Variants in CAMK2D observed in about 807,000 individuals in gnomAD.
CAMK2D encodes the protein calcium/calmodulin-dependent protein kinase type II subunit delta.
A neutral mutation model predicts 84.0 loss-of-function variants in CAMK2D; 37 were observed. The observed-to-expected ratio is 0.44, with a 90% CI of 0.34 to 0.58. CAMK2D has a LOEUF of 0.58. Among genes scored for constraint, CAMK2D ranks in the 20% least tolerant of loss-of-function variants. CAMK2D has a pLI of 0.02. For synonymous variants in CAMK2D, 202 were observed against 212.5 expected (o/e 0.95, Z 0.43); for missense variants, 448 against 652.5 (o/e 0.69, Z 3.41).
chr4:113,520,199 T>C (rs112999019), intron 8 of CAMK2D, among the ~76,000 whole-genome samples: 3,716 of 151,796 alleles, frequency 0.024, 128 homozygotes, highest in African/African-American at 0.085. Context: ...TGAGGTCAGG[T>C]GATCACGACC....
At chr4:113,539,503 TG>T (rs1186555433) in intron 6 of CAMK2D, among the ~76,000 whole-genome samples, 1 of 152,252 alleles carries the variant, frequency 6.6e-6, no homozygotes, top group Non-Finnish European at 1.5e-5. Context: ...AAAAAGCTGT[TG>T]GGCAGGGCTT....
intron 16 of CAMK2D, among the ~76,000 whole-genome samples, chr4:113,481,517 C>T (rs13140609): frequency 0.34 from 51,722 of 151,954 alleles, 9,116 homozygotes; most frequent in Middle Eastern, 0.39. Flanking sequence ...TCTCACTCTG[C>T]TGCCCAGGCT....
intron 2 of CAMK2D, among the ~76,000 whole-genome samples, chr4:113,717,261 T>C (rs2099516400): frequency 6.6e-6 from 1 of 152,060 alleles, no homozygotes; most frequent in Non-Finnish European, 1.5e-5. Context: ...ATTTATAAAA[T>C]CAATTAGAAA....
Position 113,730,698 on chromosome 4 carries a change from G to A in CAMK2D, c.160+28622C>T, listed in dbSNP as rs151206523. ...ATGGAACTTATGATTCCTTCACCTG[G>A]CTATAGAAAAGAATGAAACTGTTAA... On this transcript the variant is annotated intron_variant, in intron 2 of 20. Coordinates refer to ENST00000511664, the MANE Select transcript of CAMK2D (RefSeq NM_001321571.2). 7.2e-4 allele frequency among the ~76,000 whole-genome samples: 110 copies of A among 152,206 alleles called. 1 individual carries two copies. The highest frequency in any genetic ancestry group is 2.6e-3 in the African/African-American group (107 of 41,532).
intron 10 of CAMK2D, 152 bp downstream of exon 10, chr4:113,514,917 A>T: frequency 1.4e-6 from 1 of 703,356 alleles, no homozygotes; most frequent in Non-Finnish European, 2.4e-6. Flanking sequence ...TCACCATCAT[A>T]AAATTAATTT....
chr4:113,637,534 AT>A (rs2154291686), intron 3 of CAMK2D, among the ~76,000 whole-genome samples: 1 of 152,254 alleles, frequency 6.6e-6, no homozygotes, highest in Admixed American at 6.5e-5. Flanking sequence ...TTTCATTTGT[AT>A]TTGGTTTCAG....
intron 4 of CAMK2D, among the ~76,000 whole-genome samples, chr4:113,586,459 G>T (rs767793335): frequency 2.0e-4 from 30 of 152,108 alleles, no homozygotes; most frequent in Non-Finnish European, 4.0e-4. Flanking sequence ...AGCTATTTTG[G>T]ATTGCTGCCC....
chr4:113,730,672 C>A (rs2148768342), intron 2 of CAMK2D, among the ~76,000 whole-genome samples: 1 of 152,316 alleles, frequency 6.6e-6, no homozygotes, highest in Non-Finnish European at 1.5e-5. Flanking sequence ...TTACCCAATT[C>A]ATGGAACTTA....
At chr4:113,609,852 C>T (rs1415388362) in intron 3 of CAMK2D, among the ~76,000 whole-genome samples, 2 of 152,112 alleles carry the variant, frequency 1.3e-5, no homozygotes, top group African/African-American at 2.4e-5. Context: ...TGAACTTTTG[C>T]TAAAATAATT....
At chr4:113,656,309 C>T (rs1342157899) in intron 3 of CAMK2D, among the ~76,000 whole-genome samples, 1 of 152,028 alleles carries the variant, frequency 6.6e-6, no homozygotes, top group African/African-American at 2.4e-5. Flanking sequence ...ATTTGTTGAG[C>T]CAAAAGATGC....
At position 113,613,884 on chromosome 4, in the gene CAMK2D, G is replaced by A. The variant is rs371227577; in HGVS notation, c.221-4678C>T. ...AAAAGGTGTGTATGTGTGTGTGTGC[G>A]AGAGAGAGCGAGCGAGAGAGAGAGA... is the stretch of plus-strand genomic sequence containing the variant. On this transcript the variant is annotated intron_variant, in intron 3 of 20. Coordinates refer to ENST00000511664, the MANE Select transcript of CAMK2D (RefSeq NM_001321571.2). 2.0e-4 allele frequency among the ~76,000 whole-genome samples: 31 copies of A among 152,064 alleles called. No homozygotes were observed. In the East Asian group the frequency reaches 3.9e-3, roughly 19 times the overall value.
intron 3 of CAMK2D, among the ~76,000 whole-genome samples, chr4:113,640,616 AACAAGAAGGTTCCACTGG>A (rs2099128978): frequency 6.6e-6 from 1 of 152,216 alleles, no homozygotes; most frequent in African/African-American, 2.4e-5. Context: ...GTAAGACCAG[AACAAGAAGGTTCCACTGG>A]ACTTAGTAAT....
intron 3 of CAMK2D, 58 bp downstream of exon 3, chr4:113,661,655 G>T: frequency 2.7e-6 from 2 of 729,606 alleles, no homozygotes; most frequent in South Asian, 2.2e-5. Flanking sequence ...TTTTTATTGT[G>T]GTAAATAACA....
In CAMK2D at chr4:113,759,386, T is replaced by C. The variant is rs774300868; in HGVS notation, c.94A>G (p.Met32Val). Reference sequence around the variant, plus strand: ...TATTCTTGTCCAGTAGGAATTTTCATACATCTTCTCACCACTGAGAATGCC... The same window carrying C: ...TATTCTTGTCCAGTAGGAATTTTCACACATCTTCTCACCACTGAGAATGCC... ...KGAFSVVRRCMKIPTGQEYAA... is the reference protein window; with the variant it reads ...KGAFSVVRRCVKIPTGQEYAA... The change falls in exon 2 of 21, where the codon ATG (methionine) becomes GTG (valine). Residue 32 changes from methionine (M) to valine (V), a missense_variant. This residue lies in a region of CAMK2D where 44 missense variants were observed against 45.6 expected (regional missense o/e 0.96). Transcript: ENST00000511664. 7.5e-6 allele frequency: 12 copies of C among 1,608,372 alleles called. No individual in the cohort carries two copies. In the Admixed American group the frequency reaches 1.5e-4, roughly 20 times the overall value.
At chr4:113,527,527 T>C (rs2098427163) in intron 8 of CAMK2D, among the ~76,000 whole-genome samples, 1 of 152,198 alleles carries the variant, frequency 6.6e-6, no homozygotes, top group Non-Finnish European at 1.5e-5. Flanking sequence ...TTTGTGTGAC[T>C]CACTTTATTT....
intron 2 of CAMK2D, among the ~76,000 whole-genome samples, chr4:113,702,186 T>A (rs1172967446): frequency 1.3e-5 from 2 of 152,188 alleles, no homozygotes; most frequent in African/African-American, 4.8e-5. Flanking sequence ...TACTAAGAGG[T>A]TACTTTCACT....
At chr4:113,623,859 C>T (rs1167366016) in intron 3 of CAMK2D, among the ~76,000 whole-genome samples, 5 of 152,002 alleles carry the variant, frequency 3.3e-5, no homozygotes, top group Non-Finnish European at 7.4e-5. Flanking sequence ...TCTTCTGTCT[C>T]CTGTTCTTCA....
intron 16 of CAMK2D, among the ~76,000 whole-genome samples, chr4:113,492,202 C>G (rs1393288325): frequency 6.6e-6 from 1 of 151,860 alleles, no homozygotes; most frequent in Non-Finnish European, 1.5e-5. Context: ...TGTGTTTGCT[C>G]TTGCTTTTCT....
At chr4:113,602,149 A>G (rs1185301443) in intron 4 of CAMK2D, among the ~76,000 whole-genome samples, 1 of 151,780 alleles carries the variant, frequency 6.6e-6, no homozygotes, top group African/African-American at 2.4e-5. Context: ...GGGCTAAGCT[A>G]TCTCTAAACT....
Sources: allele counts gnomAD v4.1 joint callset (sites outside exome capture counted in the v4.1 genomes callset), GRCh38; gene constraint gnomAD v4.1.1; regional missense constraint gnomAD v4.1.1; transcripts MANE v1.5; gene names NCBI Gene and HGNC (gene_info 2026-07-23, HGNC 2026-07-21).